The following PRKG1 variants were observed in gnomAD, a reference collection of about 807,000 sequenced individuals.
PRKG1 encodes the protein protein kinase cGMP-dependent 1, also known as cGMP-dependent protein kinase 1.
A neutral mutation model predicts 88.1 loss-of-function variants in PRKG1; 35 were observed. That is an observed-to-expected ratio of 0.40 (90% CI 0.30 to 0.53). The LOEUF (loss-of-function observed/expected upper bound fraction) is 0.53, where lower values mean the gene tolerates loss of function less well. Among genes scored for constraint, PRKG1 ranks in the 20% least tolerant of loss-of-function variants. The pLI, the probability that PRKG1 is intolerant of heterozygous loss-of-function variation, is 0.59. For synonymous variants in PRKG1, 303 were observed against 292.5 expected (o/e 1.04, Z -0.37); for missense variants, 540 against 839.8 (o/e 0.64, Z 4.41).
At chr10:51,576,131 G>T (rs1289657335) in intron 3 of PRKG1, among the ~76,000 whole-genome samples, 3 of 151,812 alleles carry the variant, frequency 2.0e-5, no homozygotes, top group African/African-American at 7.2e-5. Flanking sequence ...GAAGTAACTT[G>T]CCCATGGTCA....
intron 10 of PRKG1, among the ~76,000 whole-genome samples, chr10:52,264,041 AT>A (rs1841502593): frequency 6.6e-6 from 1 of 151,990 alleles, no homozygotes; most frequent in East Asian, 1.9e-4. Context: ...TTCCTGTTGA[AT>A]TTTAGGGCAG....
intron 2 of PRKG1, among the ~76,000 whole-genome samples, chr10:51,400,621 T>C (rs1015250869): frequency 6.6e-6 from 1 of 152,232 alleles, no homozygotes; most frequent in Non-Finnish European, 1.5e-5. Flanking sequence ...AAATTGTAAC[T>C]ATAGTGAAAA....
chr10:51,132,632 C>T (rs1845595237), intron 1 of PRKG1, among the ~76,000 whole-genome samples: 1 of 149,804 alleles, frequency 6.7e-6, no homozygotes, highest in Non-Finnish European at 1.5e-5. Context: ...ATGCAATCTA[C>T]AAGTGTTTCT....
chr10:51,423,522 T>C (rs1463473498), intron 2 of PRKG1, among the ~76,000 whole-genome samples: 1 of 152,164 alleles, frequency 6.6e-6, no homozygotes, highest in Non-Finnish European at 1.5e-5. Flanking sequence ...AACCTTCTGT[T>C]CACCATAAAG....
At chr10:52,224,755 G>C (rs891594200) in intron 9 of PRKG1, among the ~76,000 whole-genome samples, 40 of 144,116 alleles carry the variant, frequency 2.8e-4, no homozygotes, top group Non-Finnish European at 1.4e-4. Context: ...TCTCATCCAG[G>C]TTACTACAAA....
At chr10:52,111,591 T>G (rs1010432186) in intron 7 of PRKG1, among the ~76,000 whole-genome samples, 10 of 152,192 alleles carry the variant, frequency 6.6e-5, no homozygotes, top group African/African-American at 2.2e-4. Flanking sequence ...GGATTGTGTA[T>G]GTCAGTGAGA....
chr10:52,174,286 A>G (rs1454455248), intron 9 of PRKG1, among the ~76,000 whole-genome samples: 1 of 150,972 alleles, frequency 6.6e-6, no homozygotes, highest in African/African-American at 2.4e-5. Flanking sequence ...AGTTTAAAGA[A>G]AAAAAAAAGG....
At chr10:52,015,920 A>G (rs61656475) in intron 5 of PRKG1, among the ~76,000 whole-genome samples, 1 of 152,122 alleles carries the variant, frequency 6.6e-6, no homozygotes, top group African/African-American at 2.4e-5. Context: ...TAAGTTTCTC[A>G]TCTCCATCTG....
At chr10:52,024,345 T>C (rs527366123) in intron 5 of PRKG1, among the ~76,000 whole-genome samples, 3 of 152,020 alleles carry the variant, frequency 2.0e-5, no homozygotes, top group East Asian at 1.9e-4. Flanking sequence ...TTTTTATTAT[T>C]ATACTTTAAG....
chr10:52,167,559 A>C (rs908993450), intron 9 of PRKG1, among the ~76,000 whole-genome samples: 1 of 151,832 alleles, frequency 6.6e-6, no homozygotes, highest in Non-Finnish European at 1.5e-5. Flanking sequence ...TTCTAGACTG[A>C]TTTGAGTTGT....
intron 1 of PRKG1, among the ~76,000 whole-genome samples, chr10:51,145,875 A>G (rs1278364607): frequency 6.6e-6 from 1 of 152,204 alleles, no homozygotes; most frequent in Non-Finnish European, 1.5e-5. Flanking sequence ...AAAACTCCAT[A>G]CTGTTTTCCC....
chr10:51,067,828 T>C (rs998649069), intron 1 of PRKG1, among the ~76,000 whole-genome samples: 1 of 152,098 alleles, frequency 6.6e-6, no homozygotes, highest in Admixed American at 6.5e-5. Flanking sequence ...TTTGGGTAAC[T>C]TCTTCATTAT....
At chr10:52,134,151 G>A (rs1311005885) in intron 8 of PRKG1, among the ~76,000 whole-genome samples, 2 of 152,108 alleles carry the variant, frequency 1.3e-5, no homozygotes, top group African/African-American at 4.8e-5. Context: ...TGTAAACTGA[G>A]GTAATGAAAT....
At chr10:52,204,942 C>G (rs1012113419) in intron 9 of PRKG1, among the ~76,000 whole-genome samples, 1 of 152,074 alleles carries the variant, frequency 6.6e-6, no homozygotes, top group Non-Finnish European at 1.5e-5. Context: ...TCACTGAATT[C>G]TCTCCCAAAT....
At chr10:52,205,295 C>G (rs960835970) in intron 9 of PRKG1, among the ~76,000 whole-genome samples, 1 of 152,136 alleles carries the variant, frequency 6.6e-6, no homozygotes, top group Admixed American at 6.5e-5. Flanking sequence ...ACACTCCCTC[C>G]CCTTTGAAAA....
intron 7 of PRKG1, among the ~76,000 whole-genome samples, chr10:52,073,457 A>G (rs971178858): frequency 6.6e-6 from 1 of 152,170 alleles, no homozygotes; most frequent in African/African-American, 2.4e-5. Flanking sequence ...CCGCAGTCTC[A>G]TGATCAGCTA....
intron 5 of PRKG1, among the ~76,000 whole-genome samples, chr10:52,038,793 G>A (rs182938424): frequency 1.6e-4 from 24 of 152,278 alleles, no homozygotes; most frequent in Non-Finnish European, 2.5e-4. Context: ...TTCCCAGTCC[G>A]TGACCAGCGC....
chr10:51,646,210 C>T (rs1031047322), intron 3 of PRKG1, among the ~76,000 whole-genome samples: 7 of 152,110 alleles, frequency 4.6e-5, no homozygotes, highest in Non-Finnish European at 7.4e-5. Context: ...TCAATCTTGA[C>T]GCTATTAGTA....
chr10:52,291,234 T>A (rs1370079570), intron 17 of PRKG1, among the ~76,000 whole-genome samples: 1 of 57,056 alleles, frequency 1.8e-5, no homozygotes, highest in Non-Finnish European at 3.2e-5. Flanking sequence ...GTGATCACTC[T>A]TTTATTTTTT....
Sources: gnomAD v4.1 joint callset for allele counts (sites outside exome capture counted in the v4.1 genomes callset) on GRCh38, gnomAD v4.1.1 for gene constraint, MANE v1.5 for transcripts, NCBI Gene and HGNC (gene_info 2026-07-23, HGNC 2026-07-21) for gene names.